The following ULK1 variants were observed in gnomAD, a reference collection of about 807,000 sequenced individuals.
ULK1 encodes unc-51 like autophagy activating kinase 1, also known as serine/threonine-protein kinase ULK1.
ULK1 carries 48 observed loss-of-function variants against 117.5 expected under a neutral mutation model. That is an observed-to-expected ratio of 0.41 (90% CI 0.32 to 0.52). ULK1 has a LOEUF of 0.52. ULK1 is among the 20% of genes least tolerant of loss of function. The probability of loss-of-function intolerance (pLI) is 0.29; values close to 1 mark genes in which losing one functional copy is unlikely to be tolerated. For synonymous variants in ULK1, 790 were observed against 637.8 expected (o/e 1.24, Z -3.60); for missense variants, 1,387 against 1,473.4 (o/e 0.94, Z 0.96).
chr12:131,910,410 G>A, intron 11 of ULK1, 106 bp downstream of exon 11: 1 of 1,511,680 alleles, frequency 6.6e-7, no homozygotes, highest in Non-Finnish European at 9.2e-7. Flanking sequence ...CAGGTCTTGA[G>A]CTGCGGCCAG....
At chr12:131,898,078 CGGGCTGTGA>C (rs888311924) in intron 3 of ULK1, 2 of 152,234 alleles carry the variant, frequency 1.3e-5, no homozygotes, top group African/African-American at 2.4e-5. Context: ...GCAGAAAGCA[CGGGCTGTGA>C]GGGCTGTGTG....
In ULK1 at chr12:131,915,152, T is replaced by C. The variant is rs1395229535; in HGVS notation, c.1443T>C (p.Pro481=). The change falls in exon 17 of 28, where the codon CCT becomes CCC. Residue 481 remains proline, a synonymous_variant. Coordinates refer to ENST00000321867, the MANE Select transcript of ULK1 (RefSeq NM_003565.4). ...LGFARASPSP[P]AHAEHGGVLA... is the part of the protein sequence containing the mutation. ...TTGCAAGGGCCAGCCCCTCGCCCCC[T>C]GCCCACGCTGAGCATGGAGGCGTCC... The C allele has an allele frequency of 1.2e-6, 2 of 1,606,218 alleles. No individual in the cohort carries two copies. Among genetic ancestry groups the C allele is most frequent in the East Asian group, 4.5e-5 (2 of 44,744 alleles).
intron 14 of ULK1, 44 bp downstream of exon 14, chr12:131,913,302 T>C (rs751545832): frequency 2.7e-6 from 4 of 1,493,320 alleles, no homozygotes; most frequent in East Asian, 5.3e-5. Flanking sequence ...GGAGAGAAAC[T>C]GTGGCCTTGG....
chr12:131,913,811 T>C lies in ULK1; in HGVS notation c.1222T>C (p.Cys408Arg). ...HGRTPSPSPPCSSSPSPSGRA... is the reference protein window; with the variant it reads ...HGRTPSPSPPRSSSPSPSGRA... ...CCGGACCCCATCTCCATCCCCACCC[T>C]GCAGCAGCTCCCCCAGTCCCTCAGG... Residue 408 changes from cysteine (C) to arginine (R), a missense_variant, in exon 15 of 28, where the codon TGC becomes CGC. Coordinates refer to ENST00000321867, the MANE Select transcript of ULK1 (RefSeq NM_003565.4). 1 of 1,565,780 alleles carries C rather than the reference T, an allele frequency of 6.4e-7. No homozygotes were observed. The highest frequency in any genetic ancestry group is 8.7e-7 in the Non-Finnish European group (1 of 1,155,046).
In ULK1 at chr12:131,915,921, C is replaced by G; in HGVS notation, c.1640C>G (p.Thr547Ser). The G allele has an allele frequency of 6.2e-7, 1 of 1,612,182 alleles. No homozygotes were observed. The highest frequency in any genetic ancestry group is 8.5e-7 in the Non-Finnish European group (1 of 1,179,830). ...TCTGCACCCGAGCACTCTCCCCGCACTTCCGGGCTGGGCTGCCGCCTGCAC... is the reference window on the plus strand; with the variant it reads ...TCTGCACCCGAGCACTCTCCCCGCAGTTCCGGGCTGGGCTGCCGCCTGCAC... ...GSSAPEHSPR[T>S]SGLGCRLHSA... Residue 547 changes from threonine to serine, a missense_variant, in exon 19 of 28, where the codon ACT becomes AGT. Physicochemically the swap from Thr to Ser is moderately conservative, Grantham distance 58. Transcript: ENST00000321867.
At chr12:131,907,631 G>C in intron 5 of ULK1, 100 bp downstream of exon 5, 9 of 1,416,222 alleles carry the variant, frequency 6.4e-6, no homozygotes, top group Non-Finnish European at 8.5e-6. Context: ...GGCTCGAGTG[G>C]GTCCTTGGCT....
At chr12:131,906,324 C>T (rs1247422264) in intron 3 of ULK1, among the ~76,000 whole-genome samples, 1 of 152,084 alleles carries the variant, frequency 6.6e-6, no homozygotes, top group Non-Finnish European at 1.5e-5. Flanking sequence ...CTGCTGACCT[C>T]ATGATCCACC....
chr12:131,912,659 C>T (rs747820026), intron 13 of ULK1, among the ~76,000 whole-genome samples: 2 of 152,214 alleles, frequency 1.3e-5, no homozygotes, highest in Non-Finnish European at 2.9e-5. Context: ...TGACTCATGC[C>T]GAGCCCTCCG....
intron 13 of ULK1, among the ~76,000 whole-genome samples, chr12:131,912,746 G>T (rs990693699): frequency 6.6e-6 from 1 of 152,242 alleles, no homozygotes; most frequent in Non-Finnish European, 1.5e-5. Context: ...GAGGGCCTTG[G>T]TCCTTTGCCA....
At chr12:131,907,576 G>C (rs373193178) in intron 5 of ULK1, 45 bp downstream of exon 5, 2 of 1,592,740 alleles carry the variant, frequency 1.3e-6, no homozygotes, top group African/African-American at 1.3e-5. Flanking sequence ...CGGTCCCACA[G>C]GGCCCGCACC....
At chr12:131,908,550 C>T in intron 5 of ULK1, 94 bp from the exon 6 acceptor site, 4 of 1,380,732 alleles carry the variant, frequency 2.9e-6, no homozygotes, top group South Asian at 3.1e-5. Context: ...GCCTGGCGCT[C>T]TCCATCCGTG....
At chr12:131,914,901 C>T (rs867833358) in intron 16 of ULK1, among the ~76,000 whole-genome samples, 182 bp from the exon 17 acceptor site, 1 of 152,214 alleles carries the variant, frequency 6.6e-6, no homozygotes, top group African/African-American at 2.4e-5. Context: ...TGGCCGGTTA[C>T]CTGGACAGAG....
intron 10 of ULK1, 37 bp from the exon 11 acceptor site, chr12:131,910,217 G>A (rs200950823): frequency 1.1e-5 from 17 of 1,612,432 alleles, no homozygotes; most frequent in East Asian, 2.2e-5. Context: ...TCAGAGCTGG[G>A]GTCCTCCTGA....
rs548126062 is a variant in ULK1 at position 131,909,254 on chromosome 12, C to T, written c.666+17C>T. 5 of 1,561,336 alleles carry T rather than the reference C, an allele frequency of 3.2e-6. No individual in the cohort carries two copies. The South Asian group carries it at 5.9e-5, about 18-fold the overall frequency. Reference sequence around the variant, plus strand: ...CCCTTCCAGGTAACTGGGCTTGGCCCTGCTCCCCACGCCGCACCGTCAGTG... The same window carrying T: ...CCCTTCCAGGTAACTGGGCTTGGCCTTGCTCCCCACGCCGCACCGTCAGTG... On this transcript the variant is annotated intron_variant, in intron 8 of 27. Coordinates refer to ENST00000321867, the MANE Select transcript of ULK1 (RefSeq NM_003565.4).
chr12:131,899,639 C>T (rs1223803676), intron 3 of ULK1, among the ~76,000 whole-genome samples: 2 of 152,108 alleles, frequency 1.3e-5, no homozygotes, highest in Non-Finnish European at 2.9e-5. Flanking sequence ...TACAGATACG[C>T]ACCACCATAC....
chr12:131,918,317 G>C (rs1368183192), intron 22 of ULK1, 180 bp from the exon 23 acceptor site: 15 of 728,074 alleles, frequency 2.1e-5, no homozygotes, highest in African/African-American at 3.6e-5. Flanking sequence ...TGAGTGGCAA[G>C]AGGTTGAGGA....
intron 8 of ULK1, 130 bp downstream of exon 8, chr12:131,909,367 G>T: frequency 9.4e-7 from 1 of 1,064,310 alleles, no homozygotes; most frequent in Non-Finnish European, 1.3e-6. Context: ...GGCGGGGCGG[G>T]CGTCCAGGGG....
rs752938088 is a variant in ULK1 at position 131,910,327 on chromosome 12, G to A, written c.859+23G>A. ...AATGTGAGTTTCTGTGGGTCCTGGG[G>A]CTCCGCATGGGCCCTGCATGCACCC... On this transcript the variant is annotated intron_variant, in intron 11 of 27. Transcript: ENST00000321867. The A allele has an allele frequency of 1.2e-5, 19 of 1,613,372 alleles. No individual in the cohort carries two copies. The South Asian group carries it at 1.6e-4, about 14-fold the overall frequency.
Position 131,895,645 on chromosome 12 carries a change from C to T in ULK1, c.156C>T (p.Asn52=), listed in dbSNP as rs764827691. Reference sequence around the variant, plus strand: ...CCGTCAAGTGCATTAACAAGAAGAACCTCGCCAAGTCTCAGACGCTGCTGG... The same window carrying T: ...CCGTCAAGTGCATTAACAAGAAGAATCTCGCCAAGTCTCAGACGCTGCTGG... The part of the protein sequence containing the change: ...EVAVKCINKK[N]LAKSQTLLGK... The change falls in exon 2 of 28, where the codon AAC becomes AAT. Residue 52 remains asparagine (N), a synonymous_variant. Coordinates refer to ENST00000321867, the MANE Select transcript of ULK1 (RefSeq NM_003565.4). The T allele has an allele frequency of 3.7e-6, 6 of 1,614,002 alleles. No homozygotes were observed. In the South Asian group the frequency reaches 4.4e-5, roughly 12 times the overall value.
Sources: gnomAD v4.1 joint callset for allele counts (sites outside exome capture counted in the v4.1 genomes callset) on GRCh38, gnomAD v4.1.1 for gene constraint, MANE v1.5 for transcripts, NCBI Gene and HGNC (gene_info 2026-07-23, HGNC 2026-07-21) for gene names.